Variants in SMYD3 observed in about 807,000 individuals in gnomAD.
SMYD3 encodes the protein histone-lysine N-methyltransferase SMYD3.
In SMYD3, 36 loss-of-function variants were observed where a neutral mutation model predicts 57.7. The ratio of observed to expected loss-of-function variants is 0.62; its 90% CI spans 0.48 to 0.82. The LOEUF is 0.82. SMYD3 is among the 40% of genes least tolerant of loss of function. The probability of loss-of-function intolerance (pLI) is 0.00; values close to 1 mark genes in which losing one functional copy is unlikely to be tolerated. For synonymous variants in SMYD3, 211 were observed against 195.0 expected, an observed-to-expected ratio of 1.08 and a Z score of -0.68; for missense variants, 515 against 538.8, an observed-to-expected ratio of 0.96 and a Z score of 0.44.
intron 5 of SMYD3, among the ~76,000 whole-genome samples, chr1:246,069,192 G>A (rs2060400966): frequency 6.6e-6 from 1 of 152,120 alleles, no homozygotes; most frequent in Non-Finnish European, 1.5e-5. Flanking sequence ...CCTTGTAGCT[G>A]CCTTATCATG....
At chr1:246,067,472 G>A (rs2148371167) in intron 5 of SMYD3, among the ~76,000 whole-genome samples, 1 of 152,290 alleles carries the variant, frequency 6.6e-6, no homozygotes, top group East Asian at 1.9e-4. Flanking sequence ...CAAGGTATGA[G>A]TTGGGGAGAG....
chr1:246,249,332 G>A (rs186332467), intron 5 of SMYD3, among the ~76,000 whole-genome samples: 3,449 of 150,038 alleles, frequency 0.023, 71 homozygotes, highest in Non-Finnish European at 0.037. Context: ...TTGAACTCCT[G>A]ACCTTAAGTG....
At chr1:246,101,854 C>T (rs1360889055) in intron 5 of SMYD3, among the ~76,000 whole-genome samples, 1 of 152,236 alleles carries the variant, frequency 6.6e-6, no homozygotes, top group Admixed American at 6.5e-5. Context: ...GCCCTGAAAG[C>T]AGCCCAATCT....
At chr1:245,962,467 G>A (rs985190686) in intron 5 of SMYD3, among the ~76,000 whole-genome samples, 1 of 152,184 alleles carries the variant, frequency 6.6e-6, no homozygotes, top group African/African-American at 2.4e-5. Context: ...CAACGCCTCT[G>A]TCATTGAAGA....
At chr1:246,399,436 G>C (rs1000599639) in intron 1 of SMYD3, among the ~76,000 whole-genome samples, 1 of 152,154 alleles carries the variant, frequency 6.6e-6, no homozygotes, top group African/African-American at 2.4e-5. Context: ...CCAGGTTCAA[G>C]CAATTCTCCC....
chr1:246,220,517 A>C (rs78333053), intron 5 of SMYD3, among the ~76,000 whole-genome samples: 38,607 of 151,914 alleles, frequency 0.25, 5,637 homozygotes, highest in East Asian at 0.58. Context: ...CCCTGACTGC[A>C]CTCACAGTCT....
chr1:246,401,696 G>T (rs2066771588), intron 1 of SMYD3, among the ~76,000 whole-genome samples: 1 of 148,160 alleles, frequency 6.7e-6, no homozygotes, highest in South Asian at 2.1e-4. Flanking sequence ...ACATCCAGTA[G>T]CAATGTTCTT....
chr1:246,201,967 CA>C (rs1467709042), intron 5 of SMYD3, among the ~76,000 whole-genome samples: 1 of 150,542 alleles, frequency 6.6e-6, no homozygotes, highest in African/African-American at 2.5e-5. Context: ...GAGCTGAGAT[CA>C]TGCCATTGCA....
intron 1 of SMYD3, among the ~76,000 whole-genome samples, chr1:246,368,151 T>C (rs1472394059): frequency 6.6e-6 from 1 of 152,196 alleles, no homozygotes; most frequent in Non-Finnish European, 1.5e-5. Flanking sequence ...AGTCTTCCAG[T>C]ATACAAATTA....
intron 2 of SMYD3, among the ~76,000 whole-genome samples, chr1:246,339,458 G>A (rs2148678086): frequency 6.6e-6 from 1 of 152,210 alleles, no homozygotes; most frequent in South Asian, 2.1e-4. Flanking sequence ...TTTCAAGATA[G>A]TAGAGAGGGC....
intron 11 of SMYD3, among the ~76,000 whole-genome samples, chr1:245,752,407 A>G (rs1191287065): frequency 3.3e-5 from 5 of 152,082 alleles, no homozygotes; most frequent in African/African-American, 1.2e-4. Context: ...TCCTGGTTAC[A>G]TTCCCCAGGT....
chr1:246,429,037 C>T (rs901495400), intron 1 of SMYD3, among the ~76,000 whole-genome samples: 9 of 150,404 alleles, frequency 6.0e-5, no homozygotes, highest in Admixed American at 5.9e-4. Flanking sequence ...CTGAGTCTCA[C>T]TTTAATAGGA....
At chr1:246,269,442 T>C (rs1220908858) in intron 5 of SMYD3, among the ~76,000 whole-genome samples, 1 of 152,194 alleles carries the variant, frequency 6.6e-6, no homozygotes, top group Non-Finnish European at 1.5e-5. Context: ...AGAATCCTTA[T>C]CTGTCCAATT....
At chr1:246,308,373 T>C (rs2065021706) in intron 5 of SMYD3, among the ~76,000 whole-genome samples, 1 of 152,132 alleles carries the variant, frequency 6.6e-6, no homozygotes, top group Admixed American at 6.5e-5. Flanking sequence ...TTTGGCCCTA[T>C]TTGTCCACTT....
chr1:246,219,704 T>G (rs977172140), intron 5 of SMYD3, among the ~76,000 whole-genome samples: 10 of 152,246 alleles, frequency 6.6e-5, no homozygotes, highest in African/African-American at 2.4e-4. Context: ...ACTGTAACAC[T>G]CCCTCTGGGG....
chr1:246,117,617 C>T (rs562854343), intron 5 of SMYD3, among the ~76,000 whole-genome samples: 20 of 152,268 alleles, frequency 1.3e-4, no homozygotes, highest in African/African-American at 4.3e-4. Context: ...CTCGCTCTTG[C>T]GCACTCTCTC....
At chr1:246,443,459 A>G (rs2067500964) in intron 1 of SMYD3, among the ~76,000 whole-genome samples, 1 of 152,262 alleles carries the variant, frequency 6.6e-6, no homozygotes, top group Admixed American at 6.5e-5. Flanking sequence ...CCTCTCAGAA[A>G]AGCGATTCAG....
At chr1:245,792,838 G>A (rs951828219) in intron 10 of SMYD3, among the ~76,000 whole-genome samples, 1 of 152,218 alleles carries the variant, frequency 6.6e-6, no homozygotes, top group South Asian at 2.1e-4. Flanking sequence ...AAGTCTCCTC[G>A]GGATTTTATG....
intron 11 of SMYD3, among the ~76,000 whole-genome samples, chr1:245,761,976 G>A (rs2045864272): frequency 6.6e-6 from 1 of 151,852 alleles, no homozygotes; most frequent in African/African-American, 2.4e-5. Context: ...GTAGAGACGG[G>A]ATTTCACCAT....
Sources: allele counts gnomAD v4.1 joint callset (sites outside exome capture counted in the v4.1 genomes callset), GRCh38; gene constraint gnomAD v4.1.1; transcripts MANE v1.5; gene names NCBI Gene and HGNC (gene_info 2026-07-23, HGNC 2026-07-21).